PTGER3: variants seen among roughly 807,000 people sequenced by gnomAD.
PTGER3 encodes the protein prostaglandin E2 receptor EP3 subtype.
In PTGER3, 22 loss-of-function variants were observed where a neutral mutation model predicts 34.7. The ratio of observed to expected loss-of-function variants is 0.63; its 90% confidence interval spans 0.45 to 0.91. The LOEUF (loss-of-function observed/expected upper bound fraction) is 0.91. PTGER3 is among the 40% of genes least tolerant of loss of function. The pLI, the probability that PTGER3 is intolerant of heterozygous loss-of-function variation, is 0.00. For synonymous variants in PTGER3, 241 were observed against 230.1 expected (o/e 1.05, Z -0.43); for missense variants, 468 against 519.4 (o/e 0.90, Z 0.96).
chr1:70,859,035 T>G (rs1208905235), intron 4 of PTGER3, among the ~76,000 whole-genome samples: 1 of 152,182 alleles, frequency 6.6e-6, no homozygotes, highest in Non-Finnish European at 1.5e-5. Context: ...GTCCACTGCT[T>G]TCTCATTTTG....
chr1:70,925,024 T>C (rs1647917716), intron 4 of PTGER3, among the ~76,000 whole-genome samples: 1 of 152,124 alleles, frequency 6.6e-6, no homozygotes. Flanking sequence ...GATTGAAGGA[T>C]GCAAAGTATT....
chr1:70,903,716 A>C (rs1367281160), intron 4 of PTGER3, among the ~76,000 whole-genome samples: 1 of 152,190 alleles, frequency 6.6e-6, no homozygotes, highest in Non-Finnish European at 1.5e-5. Context: ...AATAAACCAG[A>C]GGAGGAGGGA....
chr1:70,873,533 G>C (rs564533150), intron 4 of PTGER3, among the ~76,000 whole-genome samples: 1 of 152,050 alleles, frequency 6.6e-6, no homozygotes, highest in South Asian at 2.1e-4. Flanking sequence ...AGACTAAATT[G>C]TATAAAATTT....
intron 2 of PTGER3, among the ~76,000 whole-genome samples, chr1:70,961,300 T>C (rs376768186): frequency 1.4e-4 from 21 of 152,356 alleles, no homozygotes; most frequent in African/African-American, 4.8e-4. Flanking sequence ...ATAAATTCCC[T>C]TTTTTAGCAT....
intron 4 of PTGER3, among the ~76,000 whole-genome samples, chr1:70,874,094 A>G (rs1368936274): frequency 6.6e-6 from 1 of 152,158 alleles, no homozygotes; most frequent in East Asian, 1.9e-4. Context: ...ACAAACATAC[A>G]AACAAACAAA....
intron 2 of PTGER3, among the ~76,000 whole-genome samples, chr1:70,959,849 T>C (rs1651741680): frequency 6.6e-6 from 1 of 152,122 alleles, no homozygotes; most frequent in African/African-American, 2.4e-5. Context: ...TATAAATTGA[T>C]TTTGTCACCC....
chr1:70,978,797 C>T (rs1245394159), intron 2 of PTGER3, among the ~76,000 whole-genome samples: 1 of 152,050 alleles, frequency 6.6e-6, no homozygotes, highest in Non-Finnish European at 1.5e-5. Context: ...GTAGTGATCC[C>T]TGTGGGCATA....
chr1:70,937,901 G>C (rs1649385474), intron 4 of PTGER3, among the ~76,000 whole-genome samples: 1 of 151,902 alleles, frequency 6.6e-6, no homozygotes, highest in South Asian at 2.1e-4. Flanking sequence ...AAAATAGAAA[G>C]GTGGTTTTAT....
At chr1:70,894,080 G>A (rs924649885) in intron 4 of PTGER3, among the ~76,000 whole-genome samples, 2 of 152,032 alleles carry the variant, frequency 1.3e-5, no homozygotes, top group Non-Finnish European at 1.5e-5. Context: ...GGCCAAGGTG[G>A]GTGGATCACC....
At chr1:71,038,835 A>AAC (rs1450118336) in intron 1 of PTGER3, among the ~76,000 whole-genome samples, 6 of 152,254 alleles carry the variant, frequency 3.9e-5, no homozygotes, top group Non-Finnish European at 8.8e-5. Flanking sequence ...AGTCAGCAGC[A>AAC]CAGGTTCTGT....
chr1:71,006,696 A>G lies in PTGER3; in HGVS notation c.1077+5609T>C, dbSNP rs1266204665. 3.0e-6 allele frequency: 3 copies of G among 984,740 alleles called. No individual in the cohort carries two copies. In the African/African-American group the frequency reaches 5.2e-5, roughly 17 times the overall value. 61.0% of individuals were successfully genotyped at this position (984,740 alleles called of 1,614,324 possible). A position where few individuals can be genotyped will look rare whatever the true frequency, so the allele number is the denominator to read the frequency against. On this transcript the variant is annotated intron_variant, in intron 2 of 3. Coordinates refer to ENST00000306666, the MANE Select transcript of PTGER3 (RefSeq NM_198719.2). Reference sequence around the variant, plus strand: ...TGTTATGCACATGATTATGGAATATAAAACAAAATGATCTAATTTTTCCAG... The same window carrying G: ...TGTTATGCACATGATTATGGAATATGAAACAAAATGATCTAATTTTTCCAG...
rs1184464540 is a variant in PTGER3, at chr1:71,006,453, G to A, written c.1077+5852C>T. On this transcript the variant is annotated intron_variant, in intron 2 of 3. Transcript: ENST00000306666. ...AGCTCACACCAAAACTCAGGCACAA[G>A]TCAATTAAAGGGTTGTACTATGAGC... 6.1e-6 allele frequency: 6 copies of A among 985,266 alleles called. No individual in the cohort carries two copies. The African/African-American group carries it at 1.0e-4, about 17-fold the overall frequency. The allele number at this position is 985,266 out of a possible 1,614,324, so 61.0% of individuals were successfully genotyped here.
intron 1 of PTGER3, among the ~76,000 whole-genome samples, chr1:71,043,218 TG>T: frequency 6.6e-6 from 1 of 152,344 alleles, no homozygotes; most frequent in East Asian, 1.9e-4. Flanking sequence ...CTGGATGAAC[TG>T]GCTGATTGCA....
chr1:70,996,202 G>A (rs1288608853), intron 2 of PTGER3, among the ~76,000 whole-genome samples: 1 of 152,044 alleles, frequency 6.6e-6, no homozygotes, highest in Non-Finnish European at 1.5e-5. Flanking sequence ...AAAGATGTGA[G>A]TGTCTGGTTT....
chr1:70,934,311 T>C (rs1206367544), intron 4 of PTGER3, among the ~76,000 whole-genome samples: 1 of 152,198 alleles, frequency 6.6e-6, no homozygotes, highest in Non-Finnish European at 1.5e-5. Context: ...TCCTTTTTTT[T>C]CTTCACAGTC....
At chr1:70,926,461 T>G (rs1231017255) in intron 4 of PTGER3, among the ~76,000 whole-genome samples, 1 of 152,176 alleles carries the variant, frequency 6.6e-6, no homozygotes, top group African/African-American at 2.4e-5. Flanking sequence ...GGGAGTTCAC[T>G]CATGATTTGG....
At chr1:70,917,659 T>C (rs1647212906) in intron 4 of PTGER3, among the ~76,000 whole-genome samples, 1 of 151,954 alleles carries the variant, frequency 6.6e-6, no homozygotes, top group Non-Finnish European at 1.5e-5. Flanking sequence ...GCTGTACTAA[T>C]TTACATTTCC....
chr1:70,980,188 CT>C (rs1654124237), intron 2 of PTGER3, among the ~76,000 whole-genome samples: 1 of 152,078 alleles, frequency 6.6e-6, no homozygotes, highest in Admixed American at 6.5e-5. Flanking sequence ...GGATGTTTCA[CT>C]TTTGGACTAA....
intron 4 of PTGER3, among the ~76,000 whole-genome samples, chr1:70,857,094 C>T (rs2100451338): frequency 6.6e-6 from 1 of 152,272 alleles, no homozygotes; most frequent in South Asian, 2.1e-4. Context: ...GCTTTGACTA[C>T]TAAACTAAAT....
Sources: gnomAD v4.1 joint callset for allele counts (sites outside exome capture counted in the v4.1 genomes callset) on GRCh38, gnomAD v4.1.1 for gene constraint, MANE v1.5 for transcripts, NCBI Gene and HGNC (gene_info 2026-07-23, HGNC 2026-07-21) for gene names.